The following DLG2 variants were observed in gnomAD, a reference collection of about 807,000 sequenced individuals.
DLG2 encodes the protein disks large homolog 2.
DLG2 carries 45 observed loss-of-function variants against 132.5 expected under a neutral mutation model. The observed-to-expected ratio is 0.34, with a 90% CI of 0.27 to 0.44. The LOEUF (loss-of-function observed/expected upper bound fraction) is 0.44, where lower values mean the gene tolerates loss of function less well. Ranked by LOEUF, DLG2 falls within the 20% of genes least tolerant of loss-of-function variation. The pLI, the probability that DLG2 is intolerant of heterozygous loss-of-function variation, is 1.00. For synonymous variants in DLG2, 424 were observed against 419.6 expected, an observed-to-expected ratio of 1.01 and a Z score of -0.13; for missense variants, 1,045 against 1,196.9, an observed-to-expected ratio of 0.87 and a Z score of 1.87.
At chr11:84,898,814 G>T (rs894794220) in intron 6 of DLG2, among the ~76,000 whole-genome samples, 1 of 151,878 alleles carries the variant, frequency 6.6e-6, no homozygotes, top group African/African-American at 2.4e-5. Context: ...TCCTTCCTCT[G>T]TATGTTCCCC....
intron 6 of DLG2, chr11:84,923,580 G>A (rs1459860879): frequency 1.0e-6 from 1 of 992,448 alleles, no homozygotes; most frequent in Non-Finnish European, 1.2e-6. Flanking sequence ...TCGCATCGCA[G>A]ACTGTAAATG....
chr11:83,989,694 G>C (rs1413310269), intron 11 of DLG2, among the ~76,000 whole-genome samples: 3 of 152,100 alleles, frequency 2.0e-5, no homozygotes, highest in Non-Finnish European at 4.4e-5. Context: ...TGTCACACAG[G>C]GCTAATAAAG....
chr11:83,571,115 C>T (rs1044212243), intron 19 of DLG2, among the ~76,000 whole-genome samples: 1 of 152,154 alleles, frequency 6.6e-6, no homozygotes, highest in Non-Finnish European at 1.5e-5. Flanking sequence ...CTCCTGACTT[C>T]AGGTGATCCA....
intron 15 of DLG2, among the ~76,000 whole-genome samples, chr11:83,914,579 C>A (rs80111440): frequency 0.011 from 1,626 of 152,210 alleles, 21 homozygotes; most frequent in Non-Finnish European, 0.017. Context: ...AACTCATTAA[C>A]CCTCATTATT....
intron 6 of DLG2, among the ~76,000 whole-genome samples, chr11:85,005,599 GT>G (rs1325492863): frequency 7.2e-5 from 11 of 152,200 alleles, no homozygotes; most frequent in Non-Finnish European, 1.3e-4. Context: ...CTTTGCAGAA[GT>G]TGCTTATTGG....
chr11:84,948,330 G>A (rs74523301), intron 6 of DLG2, among the ~76,000 whole-genome samples: 4 of 150,208 alleles, frequency 2.7e-5, no homozygotes, highest in Non-Finnish European at 4.4e-5. Context: ...CTTTTTTTTT[G>A]AAAGCAATTT....
At chr11:84,666,478 A>G (rs2099699891) in intron 6 of DLG2, among the ~76,000 whole-genome samples, 1 of 152,040 alleles carries the variant, frequency 6.6e-6, no homozygotes, top group South Asian at 2.1e-4. Context: ...CTATATATGT[A>G]TATGTCTATA....
chr11:84,514,376 A>G (rs1199565407), intron 7 of DLG2, among the ~76,000 whole-genome samples: 1 of 152,118 alleles, frequency 6.6e-6, no homozygotes, highest in Admixed American at 6.6e-5. Context: ...AGTATATCAA[A>G]GGAACATCTG....
At chr11:85,159,919 T>C (rs1357418920) in intron 4 of DLG2, among the ~76,000 whole-genome samples, 3 of 152,182 alleles carry the variant, frequency 2.0e-5, no homozygotes, top group South Asian at 2.1e-4. Context: ...ATTATGCTGA[T>C]TGGATCCAGT....
intron 3 of DLG2, among the ~76,000 whole-genome samples, chr11:85,506,397 G>C (rs1006493204): frequency 1.3e-5 from 2 of 152,168 alleles, no homozygotes; most frequent in Non-Finnish European, 2.9e-5. Context: ...ATGTGTCCCA[G>C]ATATTCTGGT....
chr11:84,603,739 A>G (rs1277138525), intron 6 of DLG2, among the ~76,000 whole-genome samples: 1 of 151,964 alleles, frequency 6.6e-6, no homozygotes, highest in Admixed American at 6.6e-5. Context: ...GTTTATGACA[A>G]GATTATCCAA....
intron 19 of DLG2, among the ~76,000 whole-genome samples, chr11:83,588,447 C>T (rs1850542534): frequency 1.3e-5 from 2 of 152,158 alleles, no homozygotes; most frequent in Non-Finnish European, 2.9e-5. Flanking sequence ...GGAAAACTAA[C>T]AAACAGAAAG....
At chr11:83,888,068 C>A (rs1337981106) in intron 15 of DLG2, among the ~76,000 whole-genome samples, 1 of 145,320 alleles carries the variant, frequency 6.9e-6, no homozygotes, top group Non-Finnish European at 1.5e-5. Context: ...CTCACCACTC[C>A]TGTTCAACAC....
At chr11:84,788,526 T>A (rs1210746136) in intron 6 of DLG2, among the ~76,000 whole-genome samples, 1 of 152,184 alleles carries the variant, frequency 6.6e-6, no homozygotes, top group Non-Finnish European at 1.5e-5. Flanking sequence ...TTCATTTATA[T>A]TACTTTTCTT....
chr11:84,350,736 T>C (rs556679934), intron 7 of DLG2, among the ~76,000 whole-genome samples: 6 of 152,356 alleles, frequency 3.9e-5, no homozygotes, highest in African/African-American at 1.4e-4. Flanking sequence ...TGCCATGTTT[T>C]GCACTGCAGG....
chr11:84,148,975 A>G (rs2095193829), intron 9 of DLG2, among the ~76,000 whole-genome samples: 1 of 152,174 alleles, frequency 6.6e-6, no homozygotes, highest in Non-Finnish European at 1.5e-5. Context: ...ATTAGTGATG[A>G]TGAGAAATCT....
chr11:84,104,985 AACTT>A (rs35621435), intron 9 of DLG2, among the ~76,000 whole-genome samples: 5,190 of 152,162 alleles, frequency 0.034, 284 homozygotes, highest in African/African-American at 0.12. Context: ...GGAGTGAAGT[AACTT>A]ACTTAAAGAC....
chr11:84,454,062 T>G (rs1695380758), intron 7 of DLG2, among the ~76,000 whole-genome samples: 1 of 151,664 alleles, frequency 6.6e-6, no homozygotes, highest in Non-Finnish European at 1.5e-5. Context: ...GAGATAGTTC[T>G]ACCTGAGGTT....
chr11:84,428,336 C>A (rs2098973569), intron 7 of DLG2, among the ~76,000 whole-genome samples: 1 of 152,124 alleles, frequency 6.6e-6, no homozygotes, highest in Non-Finnish European at 1.5e-5. Context: ...CACTAAAAAC[C>A]ACTCCTTATT....
Sources: allele counts gnomAD v4.1 joint callset (sites outside exome capture counted in the v4.1 genomes callset), GRCh38; gene constraint gnomAD v4.1.1; transcripts MANE v1.5; gene names NCBI Gene and HGNC (gene_info 2026-07-23, HGNC 2026-07-21).